MYLK: variants seen among roughly 807,000 people sequenced by gnomAD.
MYLK encodes myosin light chain kinase.
In MYLK, 106 loss-of-function variants were observed where a neutral mutation model predicts 203.4. The ratio of observed to expected loss-of-function variants is 0.52; its 90% CI spans 0.45 to 0.61. The LOEUF (loss-of-function observed/expected upper bound fraction) is 0.61. Ranked by LOEUF, MYLK falls within the 20% of genes least tolerant of loss-of-function variation. The pLI is 0.00. For missense variants in MYLK, 2,072 were observed against 2,442.3 expected, an observed-to-expected ratio of 0.85 and a Z score of 3.20; for synonymous variants, 867 against 959.5, an observed-to-expected ratio of 0.90 and a Z score of 1.78.
chr3:123,812,572 AT>A (rs1401753245), intron 3 of MYLK, among the ~76,000 whole-genome samples: 1 of 152,166 alleles, frequency 6.6e-6, no homozygotes, highest in Non-Finnish European at 1.5e-5. Context: ...CCAAAAGGTA[AT>A]TTCTTGCTTA....
chr3:123,623,987 C>T (rs577691652), intron 31 of MYLK: 1 of 152,176 alleles, frequency 6.6e-6, no homozygotes, highest in Non-Finnish European at 1.5e-5. Flanking sequence ...CTTCCCCCGC[C>T]CTTCCAGAAA....
rs1160659008 is a variant in MYLK, at chr3:123,677,916, TATACAC to T, written c.3652+4302_3652+4307del. Among the ~76,000 whole-genome samples, 37 of 94,772 alleles carry T rather than the reference TATACAC, an allele frequency of 3.9e-4. 1 individual carries two copies. Among genetic ancestry groups the T allele is most frequent in the African/African-American group, 1.7e-3 (37 of 21,850 alleles). 62.2% of individuals were successfully genotyped at this position (94,772 alleles called of 152,430 possible). A position where few individuals can be genotyped will look rare whatever the true frequency, so the allele number is the denominator to read the frequency against. Reference sequence around the variant, plus strand: ...ATATATATATATATATATATATATATATACACACACACACACACAGAGTACATCCTG... The same window carrying T: ...ATATATATATATATATATATATATATACACACACACACAGAGTACATCCTG... On this transcript the variant is annotated intron_variant, in intron 20 of 33. Coordinates refer to ENST00000360304, the MANE Select transcript of MYLK (RefSeq NM_053025.4).
chr3:123,832,075 G>C (rs2148625721), intron 2 of MYLK, among the ~76,000 whole-genome samples: 1 of 152,322 alleles, frequency 6.6e-6, no homozygotes, highest in Admixed American at 6.5e-5. Context: ...CTGGCTATCA[G>C]GGATCTGGCT....
intron 3 of MYLK, among the ~76,000 whole-genome samples, chr3:123,809,652 A>G (rs1207801627): frequency 6.6e-6 from 1 of 152,246 alleles, no homozygotes; most frequent in African/African-American, 2.4e-5. Context: ...TGCAGACAGC[A>G]GCTCAGACAC....
At chr3:123,879,804 G>A (rs943218164) in intron 1 of MYLK, among the ~76,000 whole-genome samples, 2 of 151,998 alleles carry the variant, frequency 1.3e-5, no homozygotes, top group Non-Finnish European at 2.9e-5. Flanking sequence ...ACAGACGCCC[G>A]CCACCACACC....
At chr3:123,804,045 G>T (rs561523123) in intron 3 of MYLK, among the ~76,000 whole-genome samples, 1 of 152,364 alleles carries the variant, frequency 6.6e-6, no homozygotes, top group South Asian at 2.1e-4. Flanking sequence ...AGGTGACTTA[G>T]AACTCATTTA....
intron 2 of MYLK, among the ~76,000 whole-genome samples, chr3:123,870,355 G>C (rs1179648931): frequency 1.3e-5 from 2 of 152,160 alleles, no homozygotes; most frequent in Non-Finnish European, 2.9e-5. Flanking sequence ...CTCCTGGGGG[G>C]ACCAAAAAGG....
At position 123,732,919 on chromosome 3, in the gene MYLK, C is replaced by T. The variant is rs1392609261; in HGVS notation, c.1493G>A (p.Cys498Tyr). 2.5e-6 allele frequency: 4 copies of T among 1,614,034 alleles called. No homozygotes were observed. Among genetic ancestry groups the T allele is most frequent in the African/African-American group, 1.3e-5 (1 of 74,926 alleles). The change falls in exon 11 of 34, where the codon TGT becomes TAT. Residue 498 changes from cysteine (C) to tyrosine (Y), a missense_variant. Physicochemically the swap from Cys to Tyr is radical, Grantham distance 194. This residue lies in a region of MYLK where 683 missense variants were observed against 643.8 expected (regional missense o/e 1.06). Transcript: ENST00000360304. ...TASNAQGQLS[C>Y]SWTLQVERLA... Reference sequence around the variant, plus strand: ...ACTTTCCACTTGGAGGGTCCAGCTACAGGACAGCTGGCCTTGGGCGTTGGA... The same window carrying T: ...ACTTTCCACTTGGAGGGTCCAGCTATAGGACAGCTGGCCTTGGGCGTTGGA...
At chr3:123,781,182 G>A (rs1351282542) in intron 4 of MYLK, among the ~76,000 whole-genome samples, 1 of 152,252 alleles carries the variant, frequency 6.6e-6, no homozygotes, top group African/African-American at 2.4e-5. Context: ...GCCAGGCCAG[G>A]AGTCTGCAGT....
rs998167 is a variant in MYLK, at chr3:123,815,873, T to A, written c.-4+15675A>T. ...GTTTAATTAGAAGTTTGTTCATTCA[T>A]CACGTTTTTGAGAGCTTACTACCTG... On this transcript the variant is annotated intron_variant, in intron 3 of 33. Coordinates refer to ENST00000360304, the MANE Select transcript of MYLK (RefSeq NM_053025.4). Among the ~76,000 whole-genome samples the A allele has an allele frequency of 7.7e-3, 1,171 of 152,378 alleles. 20 individuals carry two copies. The highest frequency in any genetic ancestry group is 0.042 in the East Asian group (220 of 5,186).
At chr3:123,617,086 A>T (rs913227077) in intron 33 of MYLK, 3 of 152,214 alleles carry the variant, frequency 2.0e-5, no homozygotes, top group Non-Finnish European at 2.9e-5. Context: ...AGCTGGTCAT[A>T]AAGTACCCTC....
At chr3:123,628,218 TA>T (rs1269669767) in intron 30 of MYLK, among the ~76,000 whole-genome samples, 1 of 152,188 alleles carries the variant, frequency 6.6e-6, no homozygotes, top group Non-Finnish European at 1.5e-5. Flanking sequence ...CTGAACTGGC[TA>T]AAAAGGACTG....
intron 20 of MYLK, among the ~76,000 whole-genome samples, chr3:123,670,437 A>T (rs2059878901): frequency 1.3e-5 from 2 of 152,140 alleles, no homozygotes; most frequent in Non-Finnish European, 2.9e-5. Flanking sequence ...CAGCAGTGGT[A>T]TGAGGATAGT....
intron 2 of MYLK, among the ~76,000 whole-genome samples, chr3:123,841,571 T>C (rs927458830): frequency 6.6e-6 from 1 of 152,174 alleles, no homozygotes; most frequent in South Asian, 2.1e-4. Context: ...TTTTTTTCCG[T>C]CTTCAGACAT....
rs1371500419 is a variant in MYLK, at chr3:123,850,875, T to C, written c.-126-19205A>G. On this transcript the variant is annotated intron_variant, in intron 2 of 33. Transcript: ENST00000360304. Reference sequence around the variant, plus strand: ...TTTTCTTCTAGGGTTTTTATGGTTTTAGGTCTAACATTTAAGTCTTTAATC... The same window carrying C: ...TTTTCTTCTAGGGTTTTTATGGTTTCAGGTCTAACATTTAAGTCTTTAATC... Among the ~76,000 whole-genome samples, 10 of 152,378 alleles carry C rather than the reference T, an allele frequency of 6.6e-5. No individual in the cohort carries two copies. In the East Asian group the frequency reaches 1.7e-3, roughly 26 times the overall value.
chr3:123,773,644 C>G (rs902362127), intron 4 of MYLK, among the ~76,000 whole-genome samples: 1 of 152,166 alleles, frequency 6.6e-6, no homozygotes, highest in African/African-American at 2.4e-5. Flanking sequence ...AAGCTAGCAG[C>G]CTTCCGATAG....
chr3:123,622,919 T>C (rs1290265191), intron 31 of MYLK: 1 of 152,252 alleles, frequency 6.6e-6, no homozygotes, highest in Non-Finnish European at 1.5e-5. Flanking sequence ...TTTTTCTTGC[T>C]TGAGGGCAAT....
At chr3:123,872,368 C>T (rs1417388109) in intron 2 of MYLK, among the ~76,000 whole-genome samples, 2 of 152,110 alleles carry the variant, frequency 1.3e-5, no homozygotes, top group Non-Finnish European at 2.9e-5. Context: ...CTCTAGACAC[C>T]AGCTGCGTCT....
intron 3 of MYLK, among the ~76,000 whole-genome samples, chr3:123,811,608 A>AT (rs759829612): frequency 3.9e-5 from 6 of 151,962 alleles, no homozygotes; most frequent in Non-Finnish European, 5.9e-5. Context: ...GCAGCAGTTC[A>AT]TTTTTTTTAG....
Sources: allele counts gnomAD v4.1 joint callset (sites outside exome capture counted in the v4.1 genomes callset), GRCh38; gene constraint gnomAD v4.1.1; regional missense constraint gnomAD v4.1.1; transcripts MANE v1.5; gene names NCBI Gene and HGNC (gene_info 2026-07-23, HGNC 2026-07-21).